BRINP1: variants seen among roughly 807,000 people sequenced by gnomAD.
BRINP1 encodes BMP/retinoic acid-inducible neural-specific protein 1.
BRINP1 carries 17 observed loss-of-function variants against 72.9 expected under a neutral mutation model. That is an observed-to-expected ratio of 0.23 (90% CI 0.16 to 0.35). BRINP1 has a LOEUF of 0.35. Ranked by LOEUF, BRINP1 falls within the 10% of genes least tolerant of loss-of-function variation. BRINP1 has a pLI of 1.00. For missense variants in BRINP1, 850 were observed against 1,001.6 expected, an observed-to-expected ratio of 0.85 and a Z score of 2.04; for synonymous variants, 418 against 378.5, an observed-to-expected ratio of 1.10 and a Z score of -1.21.
At chr9:119,251,236 G>C (rs1588178111) in intron 2 of BRINP1, among the ~76,000 whole-genome samples, 1 of 152,154 alleles carries the variant, frequency 6.6e-6, no homozygotes, top group Non-Finnish European at 1.5e-5. Flanking sequence ...GGCAACATAT[G>C]ATGTCCACGG....
At chr9:119,256,086 T>C (rs1054170056) in intron 2 of BRINP1, among the ~76,000 whole-genome samples, 23 of 151,894 alleles carry the variant, frequency 1.5e-4, no homozygotes, top group African/African-American at 4.6e-4. Context: ...AATTGGATCA[T>C]CTTTAACCCT....
At chr9:119,354,694 C>CT (rs1831541266) in intron 1 of BRINP1, among the ~76,000 whole-genome samples, 1 of 123,536 alleles carries the variant, frequency 8.1e-6, no homozygotes, top group South Asian at 2.4e-4. Context: ...AACCCCGTCT[C>CT]TAAAAAAAAA....
chr9:119,169,941 T>G (rs1260658003), intron 7 of BRINP1, among the ~76,000 whole-genome samples: 1 of 147,104 alleles, frequency 6.8e-6, no homozygotes, highest in Non-Finnish European at 1.5e-5. Flanking sequence ...GAAGGAAAAC[T>G]AACAAACAGA....
chr9:119,317,133 T>G (rs910401235), intron 1 of BRINP1, among the ~76,000 whole-genome samples: 2 of 149,236 alleles, frequency 1.3e-5, no homozygotes, highest in East Asian at 3.9e-4. Flanking sequence ...CATTTTATAC[T>G]GCTATAGCTG....
At chr9:119,301,629 A>T (rs1431548024) in intron 2 of BRINP1, among the ~76,000 whole-genome samples, 1 of 152,138 alleles carries the variant, frequency 6.6e-6, no homozygotes, top group Non-Finnish European at 1.5e-5. Context: ...GAATCCACAC[A>T]TATGGTAAAA....
At chr9:119,323,395 A>G (rs2119005638) in intron 1 of BRINP1, among the ~76,000 whole-genome samples, 1 of 152,312 alleles carries the variant, frequency 6.6e-6, no homozygotes, top group African/African-American at 2.4e-5. Flanking sequence ...TCCCCTCCAC[A>G]TAGATCAGAG....
chr9:119,286,377 C>T (rs1029729097), intron 2 of BRINP1, among the ~76,000 whole-genome samples: 3 of 151,972 alleles, frequency 2.0e-5, no homozygotes, highest in Admixed American at 6.6e-5. Context: ...GGACTACAGG[C>T]GCCTGCCACC....
intron 7 of BRINP1, among the ~76,000 whole-genome samples, chr9:119,199,235 C>T (rs1010621293): frequency 7.9e-5 from 12 of 152,024 alleles, no homozygotes; most frequent in African/African-American, 1.7e-4. Context: ...CATATCCCTC[C>T]GCCCCACTGC....
intron 2 of BRINP1, among the ~76,000 whole-genome samples, chr9:119,276,949 T>C (rs765771743): frequency 4.6e-5 from 7 of 152,160 alleles, no homozygotes; most frequent in Non-Finnish European, 1.0e-4. Flanking sequence ...AACAGCTCCA[T>C]CATCCCCCAA....
rs560830803 is a variant in BRINP1, at chr9:119,300,819, T to C, written c.218+12319A>G. 1.1e-4 allele frequency among the ~76,000 whole-genome samples: 16 copies of C among 152,364 alleles called. No homozygotes were observed. The South Asian group carries it at 2.5e-3, about 24-fold the overall frequency. On this transcript the variant is annotated intron_variant, in intron 2 of 7. Transcript: ENST00000265922. The stretch of plus-strand genomic sequence containing the variant: ...AAAAGACTATTTTCAGTTCTTGCCT[T>C]ATGTGCTATATCAGAAACTACAGCT...
At chr9:119,256,644 A>G (rs972016976) in intron 2 of BRINP1, among the ~76,000 whole-genome samples, 2 of 152,230 alleles carry the variant, frequency 1.3e-5, no homozygotes, top group Admixed American at 6.5e-5. Flanking sequence ...TTATTTGTAT[A>G]GGACACACTT....
chr9:119,321,798 T>G lies in BRINP1; in HGVS notation c.-50-8393A>C, dbSNP rs551456790. Among the ~76,000 whole-genome samples, 10 of 152,322 alleles carry G rather than the reference T, an allele frequency of 6.6e-5. No homozygotes were observed. In the South Asian group the frequency reaches 2.1e-3, roughly 32 times the overall value. The stretch of plus-strand genomic sequence containing the variant: ...TTACTAATGTTTTATATTGATTACA[T>G]GTTGGAATATTATGATCTGGGAAAT... On this transcript the variant is annotated intron_variant, in intron 1 of 7. Coordinates refer to ENST00000265922, the MANE Select transcript of BRINP1 (RefSeq NM_014618.3).
At chr9:119,263,903 C>T (rs532008286) in intron 2 of BRINP1, among the ~76,000 whole-genome samples, 1 of 152,088 alleles carries the variant, frequency 6.6e-6, no homozygotes, top group African/African-American at 2.4e-5. Flanking sequence ...CCACAGCGCC[C>T]GGCCAACAAT....
chr9:119,347,846 C>T (rs1403353784), intron 1 of BRINP1, among the ~76,000 whole-genome samples: 2 of 152,046 alleles, frequency 1.3e-5, no homozygotes, highest in African/African-American at 4.8e-5. Flanking sequence ...TGGTTCACAG[C>T]AAAATAAAAC....
chr9:119,215,948 G>T (rs1297723582), intron 5 of BRINP1, among the ~76,000 whole-genome samples: 6 of 152,202 alleles, frequency 3.9e-5, no homozygotes, highest in African/African-American at 1.4e-4. Flanking sequence ...CAGCCTGCCT[G>T]TTAGGTTCCA....
At position 119,306,804 on chromosome 9, in the gene BRINP1, A is replaced by T. The variant is rs115397555; in HGVS notation, c.218+6334T>A. 7.8e-3 allele frequency among the ~76,000 whole-genome samples: 1,181 copies of T among 152,206 alleles called. 15 individuals are homozygous for T. The highest frequency in any genetic ancestry group is 0.028 in the African/African-American group (1,143 of 41,522). On this transcript the variant is annotated intron_variant, in intron 2 of 7. Transcript: ENST00000265922. Reference sequence around the variant, plus strand: ...AGCAAAAATGGATCCACCTCTCTTCATGCATTGAACTGCCATCCTGGTCTG... The same window carrying T: ...AGCAAAAATGGATCCACCTCTCTTCTTGCATTGAACTGCCATCCTGGTCTG...
At chr9:119,243,984 A>G (rs1830287282) in intron 3 of BRINP1, among the ~76,000 whole-genome samples, 1 of 152,086 alleles carries the variant, frequency 6.6e-6, no homozygotes, top group Non-Finnish European at 1.5e-5. Context: ...TCCAGCTATA[A>G]CTTTTGCTGC....
intron 5 of BRINP1, among the ~76,000 whole-genome samples, chr9:119,224,549 G>T (rs1339858792): frequency 2.6e-5 from 4 of 152,046 alleles, no homozygotes. Context: ...CTAAATTACT[G>T]TGTGGTAACG....
At chr9:119,229,544 G>T (rs568022288) in intron 5 of BRINP1, among the ~76,000 whole-genome samples, 2 of 152,194 alleles carry the variant, frequency 1.3e-5, no homozygotes, top group Non-Finnish European at 2.9e-5. Flanking sequence ...GAAAGAGAGT[G>T]ACAATGGTCA....
Sources: gnomAD v4.1 joint callset for allele counts (sites outside exome capture counted in the v4.1 genomes callset) on GRCh38, gnomAD v4.1.1 for gene constraint, MANE v1.5 for transcripts, NCBI Gene and HGNC (gene_info 2026-07-23, HGNC 2026-07-21) for gene names.